Variants in SYT16 observed in about 807,000 individuals in gnomAD.
SYT16 encodes synaptotagmin-16.
SYT16 carries 42 observed loss-of-function variants against 61.4 expected under a neutral mutation model. That is an observed-to-expected ratio of 0.68 (90% CI 0.53 to 0.89). The LOEUF is 0.89. Ranked by LOEUF, SYT16 falls within the 40% of genes least tolerant of loss-of-function variation. The pLI is 0.00. For synonymous variants in SYT16, 314 were observed against 302.3 expected, an observed-to-expected ratio of 1.04 and a Z score of -0.40; for missense variants, 804 against 807.3, an observed-to-expected ratio of 1.00 and a Z score of 0.05.
intron 1 of SYT16, among the ~76,000 whole-genome samples, chr14:61,826,349 A>C (rs1490012806): frequency 1.3e-5 from 2 of 152,112 alleles, no homozygotes; most frequent in Admixed American, 1.3e-4. Flanking sequence ...CCACACAGAC[A>C]GTGGCTCTGG....
intron 1 of SYT16, among the ~76,000 whole-genome samples, chr14:61,912,546 C>A (rs915362306): frequency 6.6e-6 from 1 of 152,152 alleles, no homozygotes; most frequent in African/African-American, 2.4e-5. Context: ...TCAAAGATTT[C>A]CTTTTACTCT....
intron 1 of SYT16, chr14:61,864,893 G>A (rs1345952696): frequency 1.3e-5 from 16 of 1,237,920 alleles, no homozygotes; most frequent in Admixed American, 1.7e-5. Flanking sequence ...GACCAACTGC[G>A]CGGATGGCGG....
At chr14:62,054,180 C>G (rs549615490) in intron 3 of SYT16, among the ~76,000 whole-genome samples, 1 of 152,082 alleles carries the variant, frequency 6.6e-6, no homozygotes, top group East Asian at 1.9e-4. Flanking sequence ...TTTAGAAAAC[C>G]TTTTCCATTT....
At chr14:61,987,174 C>T (rs1281370866) in intron 2 of SYT16, among the ~76,000 whole-genome samples, 1 of 151,952 alleles carries the variant, frequency 6.6e-6, no homozygotes, top group Non-Finnish European at 1.5e-5. Flanking sequence ...TGGATGGGCA[C>T]TGTCAGGGTC....
intron 3 of SYT16, among the ~76,000 whole-genome samples, chr14:62,008,629 TTC>T (rs2053319549): frequency 7.4e-6 from 1 of 135,566 alleles, no homozygotes. Context: ...TGTTTCTGTT[TTC>T]TTTTTTTTTT....
intron 3 of SYT16, among the ~76,000 whole-genome samples, chr14:62,050,675 A>T (rs1445063123): frequency 2.0e-5 from 3 of 152,102 alleles, no homozygotes; most frequent in African/African-American, 7.2e-5. Context: ...TCTGTTTGTT[A>T]GTTTTCCTTC....
chr14:61,999,668 C>T (rs964313381), intron 3 of SYT16, among the ~76,000 whole-genome samples: 14 of 151,454 alleles, frequency 9.2e-5, no homozygotes, highest in Non-Finnish European at 1.8e-4. Flanking sequence ...ATAATTTGTT[C>T]TTTCTTATTT....
intron 1 of SYT16, among the ~76,000 whole-genome samples, chr14:61,938,375 A>G (rs2050074153): frequency 6.6e-6 from 1 of 151,908 alleles, no homozygotes; most frequent in Admixed American, 6.6e-5. Flanking sequence ...CAGATACGAG[A>G]TGTTTGCCAG....
chr14:61,908,755 A>G (rs1360781939), intron 1 of SYT16, among the ~76,000 whole-genome samples: 1 of 152,214 alleles, frequency 6.6e-6, no homozygotes, highest in Non-Finnish European at 1.5e-5. Context: ...CTGAAACGCA[A>G]GCTAGCTTCT....
intron 3 of SYT16, among the ~76,000 whole-genome samples, chr14:62,058,724 C>T (rs770337162): frequency 1.3e-5 from 2 of 152,084 alleles, no homozygotes; most frequent in Non-Finnish European, 2.9e-5. Flanking sequence ...TACATTTTCA[C>T]CAGGAGTGTA....
At chr14:61,858,500 C>T (rs1010344021) in intron 1 of SYT16, among the ~76,000 whole-genome samples, 1 of 152,082 alleles carries the variant, frequency 6.6e-6, no homozygotes, top group Non-Finnish European at 1.5e-5. Context: ...GAGACTATGA[C>T]TACAACAAAT....
intron 1 of SYT16, among the ~76,000 whole-genome samples, chr14:61,911,670 A>G (rs1239555554): frequency 1.3e-5 from 2 of 152,230 alleles, no homozygotes; most frequent in African/African-American, 4.8e-5. Context: ...TCATTTAACC[A>G]TAACAAAAAC....
At chr14:61,829,780 G>A (rs570536689) in intron 1 of SYT16, among the ~76,000 whole-genome samples, 35 of 151,864 alleles carry the variant, frequency 2.3e-4, no homozygotes, top group African/African-American at 8.4e-4. Context: ...TCAGCCTCCC[G>A]AGTAGCTGGG....
chr14:61,881,542 CTT>C (rs1032159170), intron 1 of SYT16, among the ~76,000 whole-genome samples: 11 of 152,170 alleles, frequency 7.2e-5, no homozygotes, highest in African/African-American at 2.7e-4. Context: ...TTTTGAAACA[CTT>C]CATTTTCATG....
In SYT16 at chr14:62,106,561, C is replaced by G. The variant is rs551981260; in HGVS notation, c.*5854C>G. ...AGTTCCTTCTAATATTTAGGTGTAA[C>G]GTTAAAAAAGAATCAACAATAACAC... On this transcript the variant is annotated 3_prime_UTR_variant, in exon 8 of 8. Transcript: ENST00000683842. 1 of 152,062 alleles carries G rather than the reference C, an allele frequency of 6.6e-6. No homozygotes were observed. Among genetic ancestry groups the G allele is most frequent in the African/African-American group, 2.4e-5 (1 of 41,404 alleles). 9.4% of individuals were successfully genotyped at this position (152,062 alleles called of 1,614,324 possible).
chr14:62,100,376 C>CTTTTTTTTTTTTTTTTT lies in SYT16; in HGVS notation c.1625-8_1625-7insTTTTTTTTTTTTTTTTT. 1 of 1,286,628 alleles carries CTTTTTTTTTTTTTTTTT rather than the reference C, an allele frequency of 7.8e-7. No individual in the cohort carries two copies. The highest frequency in any genetic ancestry group is 1.1e-6 in the Non-Finnish European group (1 of 948,386). The allele number at this position is 1,286,628 out of a possible 1,614,324, so 79.7% of individuals were successfully genotyped here. On this transcript the variant is annotated splice_polypyrimidine_tract_variant and intron_variant, in intron 7 of 7. Transcript: ENST00000683842. ...TGTTTCTTATCATCCCCACCCCACC[C>CTTTTTTTTTTTTTTTTT]TTTTTTTTTTGTCTTAGATACATAT...
intron 2 of SYT16, among the ~76,000 whole-genome samples, chr14:61,993,289 G>A (rs374631529): frequency 2.0e-5 from 3 of 151,962 alleles, no homozygotes; most frequent in East Asian, 3.9e-4. Flanking sequence ...GGGAGGGAGA[G>A]CATTAGGACA....
chr14:61,984,935 A>C (rs1352741008), intron 2 of SYT16, among the ~76,000 whole-genome samples: 1 of 152,102 alleles, frequency 6.6e-6, no homozygotes, highest in Non-Finnish European at 1.5e-5. Flanking sequence ...ATATTCTTTG[A>C]TTGGGGTCAC....
At chr14:61,862,290 A>G (rs777871066) in intron 1 of SYT16, among the ~76,000 whole-genome samples, 3 of 152,110 alleles carry the variant, frequency 2.0e-5, no homozygotes, top group Non-Finnish European at 2.9e-5. Context: ...CACCTCCCGG[A>G]CCCTGGAAAC....
Sources: gnomAD v4.1 joint callset for allele counts (sites outside exome capture counted in the v4.1 genomes callset) on GRCh38, gnomAD v4.1.1 for gene constraint, MANE v1.5 for transcripts, NCBI Gene and HGNC (gene_info 2026-07-23, HGNC 2026-07-21) for gene names.